The following GRM8 variants were observed in gnomAD, a reference collection of about 807,000 sequenced individuals.
The protein encoded by GRM8 is glutamate metabotropic receptor 8, also known as metabotropic glutamate receptor 8.
GRM8 carries 47 observed loss-of-function variants against 87.2 expected under a neutral mutation model. The ratio of observed to expected loss-of-function variants is 0.54; its 90% CI spans 0.43 to 0.69. GRM8 has a LOEUF of 0.69. GRM8 is among the 30% of genes least tolerant of loss of function. GRM8 has a pLI of 0.00. For missense variants in GRM8, 1,019 were observed against 1,139.2 expected, an observed-to-expected ratio of 0.89 and a Z score of 1.52; for synonymous variants, 396 against 404.5, an observed-to-expected ratio of 0.98 and a Z score of 0.25.
intron 7 of GRM8, among the ~76,000 whole-genome samples, chr7:126,666,805 G>A (rs951265732): frequency 6.6e-6 from 1 of 152,124 alleles, no homozygotes; most frequent in Non-Finnish European, 1.5e-5. Flanking sequence ...GTCAAATCCT[G>A]ACCTGAAATA....
intron 7 of GRM8, among the ~76,000 whole-genome samples, chr7:126,733,511 A>G (rs1010843441): frequency 1.3e-5 from 2 of 151,020 alleles, no homozygotes; most frequent in Non-Finnish European, 1.5e-5. Context: ...ATTTATAAAT[A>G]TTAATGCAAA....
chr7:126,843,280 T>C (rs1796436767), intron 6 of GRM8, among the ~76,000 whole-genome samples: 1 of 151,346 alleles, frequency 6.6e-6, no homozygotes, highest in Non-Finnish European at 1.5e-5. Flanking sequence ...AAGGACTAAA[T>C]CCATTATATA....
intron 6 of GRM8, among the ~76,000 whole-genome samples, chr7:126,874,420 G>C (rs550676759): frequency 3.3e-5 from 5 of 151,964 alleles, no homozygotes; most frequent in Non-Finnish European, 5.9e-5. Flanking sequence ...ACTGTGACTT[G>C]TTCCAGATCA....
chr7:126,615,425 A>G, intron 7 of GRM8, among the ~76,000 whole-genome samples: 1 of 152,256 alleles, frequency 6.6e-6, no homozygotes, highest in Admixed American at 6.5e-5. Context: ...AAAACATGCC[A>G]AATTGTAAAG....
chr7:126,780,324 T>A (rs1331875662), intron 6 of GRM8, among the ~76,000 whole-genome samples: 1 of 152,150 alleles, frequency 6.6e-6, no homozygotes, highest in South Asian at 2.1e-4. Context: ...CCCCATAGGG[T>A]TGTTGTCATA....
At chr7:127,068,938 C>T (rs1031039971) in intron 3 of GRM8, among the ~76,000 whole-genome samples, 4 of 152,098 alleles carry the variant, frequency 2.6e-5, no homozygotes, top group African/African-American at 9.7e-5. Flanking sequence ...CAGAGAAAAG[C>T]TCCCACTAAA....
chr7:126,603,260 C>G (rs1798002025), intron 8 of GRM8, among the ~76,000 whole-genome samples: 1 of 145,794 alleles, frequency 6.9e-6, no homozygotes, highest in Non-Finnish European at 1.5e-5. Flanking sequence ...CTATCTATGA[C>G]AAACCCACAG....
At chr7:126,741,513 G>A (rs1178072344) in intron 7 of GRM8, among the ~76,000 whole-genome samples, 1 of 152,036 alleles carries the variant, frequency 6.6e-6, no homozygotes, top group Non-Finnish European at 1.5e-5. Flanking sequence ...CTTACCCTGG[G>A]AACAGGCCAG....
intron 2 of GRM8, among the ~76,000 whole-genome samples, chr7:127,170,069 G>C (rs1257741067): frequency 2.6e-5 from 4 of 152,106 alleles, no homozygotes; most frequent in Admixed American, 6.5e-5. Context: ...TATTTTGTAA[G>C]GCTATACCTA....
chr7:126,771,208 C>A (rs1818808886), intron 6 of GRM8, among the ~76,000 whole-genome samples: 1 of 151,946 alleles, frequency 6.6e-6, no homozygotes, highest in East Asian at 1.9e-4. Context: ...TTTAGAGAGT[C>A]GAATTAACGT....
intron 8 of GRM8, among the ~76,000 whole-genome samples, chr7:126,584,236 T>TA (rs1192821747): frequency 6.6e-6 from 1 of 152,030 alleles, no homozygotes; most frequent in Non-Finnish European, 1.5e-5. Flanking sequence ...ACTTTTTTTT[T>TA]ATTTTTTGAG....
chr7:126,630,133 T>TAAA (rs10673410), intron 7 of GRM8, among the ~76,000 whole-genome samples: 52 of 150,502 alleles, frequency 3.5e-4, no homozygotes, highest in South Asian at 6.3e-4. Context: ...CAACACCAAA[T>TAAA]AAGAAAAAAA....
intron 9 of GRM8, among the ~76,000 whole-genome samples, chr7:126,475,492 C>T (rs192817131): frequency 5.9e-4 from 90 of 152,110 alleles, no homozygotes; most frequent in Admixed American, 1.4e-3. Context: ...AAAGAGAGTC[C>T]ATGTTCATGA....
chr7:127,058,470 A>G (rs1490133889), intron 3 of GRM8, among the ~76,000 whole-genome samples: 1 of 152,170 alleles, frequency 6.6e-6, no homozygotes, highest in African/African-American at 2.4e-5. Context: ...TTTAAAGATA[A>G]ACATTTATAA....
At chr7:126,625,973 T>C (rs532930550) in intron 7 of GRM8, among the ~76,000 whole-genome samples, 3 of 152,282 alleles carry the variant, frequency 2.0e-5, no homozygotes, top group South Asian at 2.1e-4. Context: ...TGAAGCCCTT[T>C]ATTATTTTTT....
chr7:126,458,565 T>C (rs1170638042), intron 9 of GRM8, among the ~76,000 whole-genome samples: 2 of 151,292 alleles, frequency 1.3e-5, no homozygotes, highest in Non-Finnish European at 3.0e-5. Flanking sequence ...TTTTCAAAGA[T>C]AGAAATTTGA....
chr7:127,001,456 T>C (rs1294150062), intron 3 of GRM8, among the ~76,000 whole-genome samples: 1 of 151,600 alleles, frequency 6.6e-6, no homozygotes, highest in Admixed American at 6.6e-5. Context: ...TAAAAAACTG[T>C]CAAAAGATTT....
chr7:126,676,886 A>G (rs1427029567), intron 7 of GRM8, among the ~76,000 whole-genome samples: 1 of 152,186 alleles, frequency 6.6e-6, no homozygotes, highest in Non-Finnish European at 1.5e-5. Flanking sequence ...ATTAAACTAA[A>G]CAGCTTCTGC....
intron 8 of GRM8, among the ~76,000 whole-genome samples, chr7:126,541,580 T>TG (rs1816548275): frequency 6.6e-6 from 1 of 152,190 alleles, no homozygotes; most frequent in Admixed American, 6.5e-5. Context: ...GAAAGAAGAC[T>TG]GCAGGAGTCC....
Sources: allele counts gnomAD v4.1 joint callset (sites outside exome capture counted in the v4.1 genomes callset), GRCh38; gene constraint gnomAD v4.1.1; transcripts MANE v1.5; gene names NCBI Gene and HGNC (gene_info 2026-07-23, HGNC 2026-07-21).